Variants in NPRL3 observed in about 807,000 individuals in gnomAD.
NPRL3 encodes the protein GATOR1 complex protein NPRL3.
Under a neutral mutation model 57.2 loss-of-function variants are expected in NPRL3, and 23 were observed. The ratio of observed to expected loss-of-function variants is 0.40; its 90% CI spans 0.29 to 0.57. The LOEUF (loss-of-function observed/expected upper bound fraction) is 0.57. Among genes scored for constraint, NPRL3 ranks in the 20% least tolerant of loss-of-function variants. NPRL3 has a pLI of 0.42. For synonymous variants in NPRL3, 333 were observed against 321.1 expected (o/e 1.04, Z -0.39); for missense variants, 691 against 767.1 (o/e 0.90, Z 1.17).
chr16:106,227 A>C (rs1424177530), intron 7 of NPRL3, among the ~76,000 whole-genome samples: 1 of 152,110 alleles, frequency 6.6e-6, no homozygotes. Flanking sequence ...AGAATCACTT[A>C]AGCCCGGGAG....
chr16:107,268 C>T (rs1899573572), intron 7 of NPRL3, among the ~76,000 whole-genome samples: 1 of 152,204 alleles, frequency 6.6e-6, no homozygotes, highest in Non-Finnish European at 1.5e-5. Flanking sequence ...GATCACACAA[C>T]AGGCAGTCCA....
intron 2 of NPRL3, among the ~76,000 whole-genome samples, chr16:131,577 G>A (rs1380896846): frequency 2.5e-5 from 3 of 119,866 alleles, no homozygotes; most frequent in African/African-American, 3.3e-5. Context: ...GAGCCTGGGT[G>A]ACAGAGTGAG....
chr16:108,316 C>T (rs182281708), intron 7 of NPRL3, among the ~76,000 whole-genome samples: 1 of 152,280 alleles, frequency 6.6e-6, no homozygotes, highest in Non-Finnish European at 1.5e-5. Flanking sequence ...TAAAGCTACA[C>T]AGAGATCCCA....
intron 2 of NPRL3, among the ~76,000 whole-genome samples, chr16:137,313 C>T (rs1219358183): frequency 6.6e-6 from 1 of 152,232 alleles, no homozygotes; most frequent in African/African-American, 2.4e-5. Context: ...AGGCAGCAGC[C>T]TGCAGCCAAG....
intron 13 of NPRL3, among the ~76,000 whole-genome samples, chr16:87,701 C>T (rs1898552273): frequency 6.6e-6 from 1 of 151,966 alleles, no homozygotes; most frequent in South Asian, 2.1e-4. Flanking sequence ...TCCCCAGTAG[C>T]TGGGACTACA....
intron 4 of NPRL3, among the ~76,000 whole-genome samples, chr16:118,611 G>A (rs575526824): frequency 1.3e-4 from 20 of 152,324 alleles, no homozygotes; most frequent in African/African-American, 4.8e-4. Context: ...GACAGGGACT[G>A]AAGCACCTGT....
intron 12 of NPRL3, chr16:89,460 T>G: frequency 2.1e-6 from 1 of 471,164 alleles, no homozygotes; most frequent in South Asian, 3.2e-5. Flanking sequence ...CCAGCACTGA[T>G]TTGCTGGGCT....
intron 7 of NPRL3, 83 bp downstream of exon 7, chr16:110,442 G>C (rs886090737): frequency 2.1e-5 from 23 of 1,072,444 alleles, no homozygotes; most frequent in Non-Finnish European, 3.0e-5. Flanking sequence ...GTACCGGGGA[G>C]CCCTACCTGT....
intron 9 of NPRL3, among the ~76,000 whole-genome samples, chr16:95,384 C>CA (rs1181867314): frequency 8.6e-6 from 1 of 116,108 alleles, no homozygotes; most frequent in African/African-American, 3.0e-5. Flanking sequence ...CACACACACA[C>CA]AATAAAATGT....
chr16:96,865 G>A (rs1220454810), intron 9 of NPRL3, among the ~76,000 whole-genome samples: 2 of 152,136 alleles, frequency 1.3e-5, no homozygotes, highest in Non-Finnish European at 2.9e-5. Context: ...AGATACAGAG[G>A]CGGGAGACTT....
chr16:129,209 G>C (rs963079683), intron 3 of NPRL3, among the ~76,000 whole-genome samples: 3 of 152,150 alleles, frequency 2.0e-5, no homozygotes. Flanking sequence ...CTTGGAGTAA[G>C]GCTAATGTGG....
At chr16:98,004 G>T (rs937330627) in intron 9 of NPRL3, 141 bp downstream of exon 9, 1 of 1,030,680 alleles carries the variant, frequency 9.7e-7, no homozygotes. Flanking sequence ...GCCATCCCAG[G>T]GACTGGCCCC....
Position 118,495 on chromosome 16 carries a change from T to C in NPRL3, c.318+631A>G, listed in dbSNP as rs542000225. 4.0e-4 allele frequency among the ~76,000 whole-genome samples: 61 copies of C among 152,316 alleles called. 1 individual carries two copies. In the South Asian group the frequency reaches 9.7e-3, roughly 24 times the overall value. On this transcript the variant is annotated intron_variant, in intron 4 of 13. Coordinates refer to ENST00000611875, the MANE Select transcript of NPRL3 (RefSeq NM_001077350.3). ...TGTAGAAAATTCAAGGGTTTCACGA[T>C]GCTAGTTAACTCACTATCTTGGCCT... is the stretch of plus-strand genomic sequence containing the variant.
intron 7 of NPRL3, among the ~76,000 whole-genome samples, chr16:104,782 C>G (rs1238543820): frequency 6.6e-6 from 1 of 152,210 alleles, no homozygotes; most frequent in Non-Finnish European, 1.5e-5. Flanking sequence ...AAGGCCATGG[C>G]AGACCTGGGC....
chr16:120,717 C>T (rs543936266), intron 3 of NPRL3, among the ~76,000 whole-genome samples: 13 of 152,278 alleles, frequency 8.5e-5, no homozygotes, highest in African/African-American at 2.4e-4. Flanking sequence ...TCCTGGGAAA[C>T]GCAGGACCCA....
intron 7 of NPRL3, among the ~76,000 whole-genome samples, chr16:102,105 GA>G (rs1899323976): frequency 6.6e-6 from 1 of 152,176 alleles, no homozygotes; most frequent in Non-Finnish European, 1.5e-5. Context: ...CCTGCCCCAA[GA>G]ACAGGCTCCA....
Position 100,409 on chromosome 16 carries a change from G to C in NPRL3, c.730C>G (p.Pro244Ala). ...AGGCTCCGTTCGATGGCCTCTGGGG[G>C]GATCAGACTGGAGGCCGCATAGTGG... ...KIHYAASSLI[P>A]PEAIERSLKA... The change falls in exon 8 of 14, where the codon CCC (proline) becomes GCC (alanine). Residue 244 changes from proline to alanine, a missense_variant. Pro to Ala is a conservative substitution (Grantham distance 27). Transcript: ENST00000611875. 1.9e-6 allele frequency: 3 copies of C among 1,600,998 alleles called. No homozygotes were observed. The highest frequency in any genetic ancestry group is 2.6e-6 in the Non-Finnish European group (3 of 1,174,736).
chr16:99,744 A>G (rs1400696831), intron 8 of NPRL3, among the ~76,000 whole-genome samples: 1 of 151,946 alleles, frequency 6.6e-6, no homozygotes. Flanking sequence ...AGTCTGGCCA[A>G]CATGGTGAAA....
rs1437185591 is a variant in NPRL3 at position 98,218 on chromosome 16, C to T, written c.851G>A (p.Arg284Gln). 4 of 1,613,960 alleles carry T rather than the reference C, an allele frequency of 2.5e-6. 1 individual carries two copies. Among genetic ancestry groups the T allele is most frequent in the African/African-American group, 2.7e-5 (2 of 75,060 alleles). Reference protein sequence around the residue: ...LPIDCSPALVRVIKTTSAVKN... With the variant: ...LPIDCSPALVQVIKTTSAVKN... ...CACAGCAGATGTGGTCTTGATCACCCGCACTAGGGCAGGGGAGCAGTCAAT... is the reference window on the plus strand; with the variant it reads ...CACAGCAGATGTGGTCTTGATCACCTGCACTAGGGCAGGGGAGCAGTCAAT... The change falls in exon 9 of 14, where the codon CGG becomes CAG. Residue 284 changes from arginine (R) to glutamine (Q), a missense_variant. Arg to Gln is a conservative substitution (Grantham distance 43). Coordinates refer to ENST00000611875, the MANE Select transcript of NPRL3 (RefSeq NM_001077350.3).
Sources: allele counts gnomAD v4.1 joint callset (sites outside exome capture counted in the v4.1 genomes callset), GRCh38; gene constraint gnomAD v4.1.1; transcripts MANE v1.5; gene names NCBI Gene and HGNC (gene_info 2026-07-23, HGNC 2026-07-21).